Variants in GTF2A1 observed in about 807,000 individuals in gnomAD.
GTF2A1 encodes the protein general transcription factor IIA subunit 1, also known as transcription initiation factor IIA subunit 1.
Under a neutral mutation model 54.1 loss-of-function variants are expected in GTF2A1, and 12 were observed. The observed-to-expected ratio is 0.22, with a 90% confidence interval of 0.14 to 0.36. The LOEUF (loss-of-function observed/expected upper bound fraction) is 0.36. Among genes scored for constraint, GTF2A1 ranks in the 10% least tolerant of loss-of-function variants. The pLI, the probability that GTF2A1 is intolerant of heterozygous loss-of-function variation, is 1.00. For synonymous variants in GTF2A1, 145 were observed against 152.0 expected, an observed-to-expected ratio of 0.95 and a Z score of 0.34; for missense variants, 335 against 442.2, an observed-to-expected ratio of 0.76 and a Z score of 2.17.
chr14:81,201,469 A>G (rs1893109438), intron 4 of GTF2A1, 125 bp downstream of exon 4: 1 of 534,582 alleles, frequency 1.9e-6, no homozygotes, highest in Non-Finnish European at 3.3e-6. Flanking sequence ...CAGGAAACTA[A>G]AACAGCTGTT....
Position 81,196,136 on chromosome 14 carries a change from C to A in GTF2A1, c.584G>T (p.Gly195Val). ...QQQVIPQMQP[G>V]GVQAPVIQQV... is the part of the protein sequence containing the mutation. ...CTGTATAACAGGAGCTTGTACTCCACCAGGCTGCATTTGTGGTATAACCTG... is the reference window on the plus strand; with the variant it reads ...CTGTATAACAGGAGCTTGTACTCCAACAGGCTGCATTTGTGGTATAACCTG... Residue 195 changes from glycine to valine, a missense_variant, in exon 6 of 9, where the codon GGT becomes GTT. By Grantham distance (109) the Gly-to-Val change is moderately radical (BLOSUM62 -3). Around this residue, in one of 2 missense-constraint regions of GTF2A1, gnomAD observed 306 missense variants for 360.4 expected, o/e 0.85. Transcript: ENST00000553612. The A allele has an allele frequency of 6.2e-7, 1 of 1,613,664 alleles. No homozygotes were observed. The highest frequency in any genetic ancestry group is 8.5e-7 in the Non-Finnish European group (1 of 1,179,582).
rs569248801 is a variant in GTF2A1 at position 81,205,940 on chromosome 14, A to G, written c.133-1836T>C. Among the ~76,000 whole-genome samples the G allele has an allele frequency of 5.3e-5, 8 of 152,314 alleles. No homozygotes were observed. In the South Asian group the frequency reaches 1.7e-3, roughly 32 times the overall value. ...GTATTATATATAGTAAGGCTTCCAA[A>G]CACTCTGTTATCACCCAAACCTTCT... On this transcript the variant is annotated intron_variant, in intron 2 of 8. Transcript: ENST00000553612.
intron 2 of GTF2A1, among the ~76,000 whole-genome samples, chr14:81,211,817 G>T (rs1363508430): frequency 6.8e-6 from 1 of 146,546 alleles, no homozygotes; most frequent in Non-Finnish European, 1.5e-5. Context: ...TGAAATAGTA[G>T]ATTATTATTC....
Position 81,176,451 on chromosome 14 carries a change from C to T in GTF2A1, c.*3772G>A, listed in dbSNP as rs541474889. ...GATGTAGACTGGACTGATTAAGGAA[C>T]CTTGACTGAAAGAGTAGTTACTAAC... is the stretch of plus-strand genomic sequence containing the variant. On this transcript the variant is annotated 3_prime_UTR_variant, in exon 9 of 9. Coordinates refer to ENST00000553612, the MANE Select transcript of GTF2A1 (RefSeq NM_015859.4). 6.6e-6 allele frequency: 1 copy of T among 152,076 alleles called. No homozygotes were observed. The highest frequency in any genetic ancestry group is 2.4e-5 in the African/African-American group (1 of 41,414). 9.4% of individuals were successfully genotyped at this position (152,076 alleles called of 1,614,324 possible).
Position 81,181,368 on chromosome 14 carries a change from C to G in GTF2A1, c.1024-1038G>C, listed in dbSNP as rs537064767. ...AAAAAAAAAAAAAAATCAACTAGTT[C>G]AGGCTTTCATTTTCAGAAGAAGAAA... On this transcript the variant is annotated intron_variant, in intron 8 of 8. Transcript: ENST00000553612. 2.0e-5 allele frequency among the ~76,000 whole-genome samples: 3 copies of G among 151,322 alleles called. No homozygotes were observed. The East Asian group carries it at 5.8e-4, about 29-fold the overall frequency.
chr14:81,186,496 A>C (rs561237548), intron 7 of GTF2A1, among the ~76,000 whole-genome samples: 39 of 152,284 alleles, frequency 2.6e-4, no homozygotes, highest in African/African-American at 8.7e-4. Flanking sequence ...TCTCAGCATT[A>C]AAGAGAGTTA....
At chr14:81,200,650 G>A (rs1453156311) in intron 4 of GTF2A1, among the ~76,000 whole-genome samples, 1 of 150,768 alleles carries the variant, frequency 6.6e-6, no homozygotes, top group Non-Finnish European at 1.5e-5. Context: ...AAACTTGAAC[G>A]GAGGGAAAAA....
chr14:81,183,042 A>C (rs1225257865), intron 8 of GTF2A1, among the ~76,000 whole-genome samples: 3 of 152,322 alleles, frequency 2.0e-5, no homozygotes, highest in South Asian at 2.1e-4. Flanking sequence ...TCAGCTTCTA[A>C]CATATAAATA....
At chr14:81,195,645 A>AG (rs1332502485) in intron 6 of GTF2A1, among the ~76,000 whole-genome samples, 6 of 150,894 alleles carry the variant, frequency 4.0e-5, no homozygotes, top group Admixed American at 6.6e-5. Context: ...AAAAAAAAAA[A>AG]AAAGAAAAGA....
At chr14:81,188,500 A>G (rs988152001) in intron 7 of GTF2A1, among the ~76,000 whole-genome samples, 32 of 152,202 alleles carry the variant, frequency 2.1e-4, no homozygotes, top group African/African-American at 7.5e-4. Flanking sequence ...GGCTGGGCAC[A>G]ATGGCTCACG....
intron 3 of GTF2A1, chr14:81,202,647 A>C (rs746813275): frequency 1.9e-6 from 1 of 513,974 alleles, no homozygotes; most frequent in East Asian, 5.5e-5. Context: ...AGTCGGAAAA[A>C]ATACAAATCA....
intron 6 of GTF2A1, among the ~76,000 whole-genome samples, chr14:81,194,152 T>C (rs1191641502): frequency 1.3e-5 from 2 of 152,208 alleles, no homozygotes; most frequent in Non-Finnish European, 2.9e-5. Flanking sequence ...CATCACCACC[T>C]GAACTCTGCT....
chr14:81,176,120 A>AG lies in GTF2A1; in HGVS notation c.*4102dup, dbSNP rs1475070511. The AG allele has an allele frequency of 1.3e-5, 2 of 152,186 alleles. No homozygotes were observed. The highest frequency in any genetic ancestry group is 4.8e-5 in the African/African-American group (2 of 41,460). 9.4% of individuals were successfully genotyped at this position (152,186 alleles called of 1,614,324 possible). On this transcript the variant is annotated 3_prime_UTR_variant, in exon 9 of 9. Transcript: ENST00000553612. ...ATTATCTATAACAATGCCATATACTAGTAAGCAAAGCAAGCAACATTTTTT... is the reference window on the plus strand; with the variant it reads ...ATTATCTATAACAATGCCATATACTAGGTAAGCAAAGCAAGCAACATTTTTT...
intron 2 of GTF2A1, among the ~76,000 whole-genome samples, chr14:81,214,420 G>C (rs1401366634): frequency 6.6e-6 from 1 of 151,890 alleles, no homozygotes; most frequent in Admixed American, 6.6e-5. Context: ...CCGAGGTGGG[G>C]GGATCACAAG....
At chr14:81,184,680 G>A (rs1369010085) in intron 8 of GTF2A1, among the ~76,000 whole-genome samples, 1 of 152,184 alleles carries the variant, frequency 6.6e-6, no homozygotes. Flanking sequence ...TTCATGCAAG[G>A]CATGAATTTT....
chr14:81,213,694 C>T (rs1893423606), intron 2 of GTF2A1, among the ~76,000 whole-genome samples: 1 of 152,146 alleles, frequency 6.6e-6, no homozygotes, highest in Admixed American at 6.5e-5. Flanking sequence ...ACTCATGTCT[C>T]GGAATTAGCA....
At chr14:81,200,205 G>A (rs921918984) in intron 4 of GTF2A1, among the ~76,000 whole-genome samples, 2 of 152,146 alleles carry the variant, frequency 1.3e-5, no homozygotes, top group Non-Finnish European at 2.9e-5. Flanking sequence ...GTAATGTGTA[G>A]GAGGAAGTCA....
intron 2 of GTF2A1, among the ~76,000 whole-genome samples, chr14:81,207,888 T>C (rs960002564): frequency 5.3e-5 from 8 of 152,190 alleles, no homozygotes. Flanking sequence ...GCAGAAGAAA[T>C]TTCTAAGCAG....
intron 2 of GTF2A1, among the ~76,000 whole-genome samples, chr14:81,212,541 T>G (rs898292358): frequency 3.3e-5 from 5 of 152,204 alleles, no homozygotes; most frequent in African/African-American, 1.2e-4. Flanking sequence ...ATTACATGCA[T>G]TCTCATCATT....
Sources: allele counts gnomAD v4.1 joint callset (sites outside exome capture counted in the v4.1 genomes callset), GRCh38; gene constraint gnomAD v4.1.1; regional missense constraint gnomAD v4.1.1; transcripts MANE v1.5; gene names NCBI Gene and HGNC (gene_info 2026-07-23, HGNC 2026-07-21).